The following NTRK3 variants were observed in gnomAD, a reference collection of about 807,000 sequenced individuals.
The protein encoded by NTRK3 is NT-3 growth factor receptor.
NTRK3 carries 24 observed loss-of-function variants against 91.7 expected under a neutral mutation model. The observed-to-expected ratio is 0.26, with a 90% confidence interval of 0.19 to 0.37. The LOEUF (loss-of-function observed/expected upper bound fraction) is 0.37. Among genes scored for constraint, NTRK3 ranks in the 10% least tolerant of loss-of-function variants. The pLI is 1.00. For missense variants in NTRK3, 880 were observed against 1,068.9 expected (o/e 0.82, Z 2.46); for synonymous variants, 483 against 404.0 (o/e 1.20, Z -2.34).
chr15:88,005,962 T>C (rs925933208), intron 14 of NTRK3, among the ~76,000 whole-genome samples: 1 of 152,212 alleles, frequency 6.6e-6, no homozygotes, highest in Non-Finnish European at 1.5e-5. Context: ...CAAATGCCGA[T>C]GTGCACTGGG....
chr15:88,181,964 C>T (rs2046506411), intron 5 of NTRK3, among the ~76,000 whole-genome samples: 1 of 152,136 alleles, frequency 6.6e-6, no homozygotes, highest in Non-Finnish European at 1.5e-5. Context: ...GAAACTCAAA[C>T]CCCCAATAAA....
chr15:88,082,383 T>C (rs771292304), intron 13 of NTRK3, among the ~76,000 whole-genome samples: 13 of 152,022 alleles, frequency 8.6e-5, no homozygotes, highest in Admixed American at 3.9e-4. Context: ...ACAGATCACA[T>C]ACATGCAATG....
intron 14 of NTRK3, among the ~76,000 whole-genome samples, chr15:87,953,928 C>T (rs2071397662): frequency 6.6e-6 from 1 of 151,400 alleles, no homozygotes; most frequent in South Asian, 2.1e-4. Context: ...TGCCCCTCCT[C>T]CGTGCGGGTT....
chr15:88,137,205 A>G (rs892984642), intron 7 of NTRK3, among the ~76,000 whole-genome samples, 199 bp downstream of exon 7: 3 of 152,246 alleles, frequency 2.0e-5, no homozygotes, highest in Non-Finnish European at 4.4e-5. Context: ...CAGTCTTCCT[A>G]TGGCTCGTGC....
intron 14 of NTRK3, among the ~76,000 whole-genome samples, chr15:87,963,476 C>T (rs577921353): frequency 8.5e-5 from 13 of 152,252 alleles, no homozygotes; most frequent in Middle Eastern, 3.4e-3. Flanking sequence ...AACGATGGTT[C>T]GACTTGGGAC....
rs115708501 is a variant in NTRK3 at position 87,969,176 on chromosome 15, C to T, written c.1586-28423G>A. Among the ~76,000 whole-genome samples the T allele has an allele frequency of 1.7e-3, 262 of 152,220 alleles. 1 individual carries two copies. Among genetic ancestry groups the T allele is most frequent in the African/African-American group, 5.8e-3 (241 of 41,536 alleles). On this transcript the variant is annotated intron_variant, in intron 14 of 18. Coordinates refer to ENST00000394480, the Ensembl canonical transcript of NTRK3. ...AATTCACCTTCCCAGATTGACATGG[C>T]CAATTGGTGCCCAGGCCCAAACGGA...
At chr15:88,194,780 C>G (rs1372999373) in intron 3 of NTRK3, among the ~76,000 whole-genome samples, 1 of 152,224 alleles carries the variant, frequency 6.6e-6, no homozygotes, top group Non-Finnish European at 1.5e-5. Context: ...CCATGACCAG[C>G]AGGATCCTTC....
chr15:88,012,572 C>T (rs1213724564), intron 14 of NTRK3, among the ~76,000 whole-genome samples: 1 of 152,244 alleles, frequency 6.6e-6, no homozygotes, highest in Non-Finnish European at 1.5e-5. Flanking sequence ...CATACCAAAA[C>T]AACCACAGCA....
At chr15:87,907,449 A>G (rs777051463) in intron 17 of NTRK3, among the ~76,000 whole-genome samples, 6 of 152,188 alleles carry the variant, frequency 3.9e-5, no homozygotes, top group Non-Finnish European at 7.3e-5. Flanking sequence ...TTACCTCCCT[A>G]ACCAAATTAT....
intron 17 of NTRK3, among the ~76,000 whole-genome samples, chr15:87,912,796 C>A (rs908788895): frequency 6.6e-6 from 1 of 151,660 alleles, no homozygotes; most frequent in African/African-American, 2.4e-5. Context: ...ACTTACAAAA[C>A]AGTTGGGTGG....
chr15:88,066,102 A>T (rs1365859826), intron 13 of NTRK3, among the ~76,000 whole-genome samples: 1 of 152,234 alleles, frequency 6.6e-6, no homozygotes, highest in Non-Finnish European at 1.5e-5. Context: ...CTATGGAGAG[A>T]TAACTGTAGC....
chr15:88,005,678 C>T (rs2076436600), intron 14 of NTRK3, among the ~76,000 whole-genome samples: 1 of 152,106 alleles, frequency 6.6e-6, no homozygotes, highest in Non-Finnish European at 1.5e-5. Flanking sequence ...TGCCTAAGGG[C>T]CAGAGCACAG....
At chr15:88,040,135 A>G (rs1330640975) in intron 13 of NTRK3, among the ~76,000 whole-genome samples, 1 of 152,260 alleles carries the variant, frequency 6.6e-6, no homozygotes, top group Non-Finnish European at 1.5e-5. Flanking sequence ...AGGTCTTTGA[A>G]TAAATTTTGC....
At chr15:88,185,924 T>C (rs1236981204) in intron 3 of NTRK3, among the ~76,000 whole-genome samples, 1 of 152,190 alleles carries the variant, frequency 6.6e-6, no homozygotes, top group East Asian at 1.9e-4. Flanking sequence ...CCAGAGACAC[T>C]GGCATCTGCT....
chr15:87,906,845 T>A (rs576173341), intron 17 of NTRK3, among the ~76,000 whole-genome samples: 1 of 152,260 alleles, frequency 6.6e-6, no homozygotes, highest in Non-Finnish European at 1.5e-5. Context: ...TAAGAACCTA[T>A]CACTCTTAAT....
chr15:88,242,262 G>A (rs545876024), intron 3 of NTRK3, among the ~76,000 whole-genome samples: 72 of 152,192 alleles, frequency 4.7e-4, no homozygotes, highest in African/African-American at 1.7e-3. Context: ...TTGCCTTTCC[G>A]CGTGGGGCCT....
intron 14 of NTRK3, among the ~76,000 whole-genome samples, chr15:88,025,484 A>G (rs569635614): frequency 6.6e-6 from 1 of 152,334 alleles, no homozygotes; most frequent in South Asian, 2.1e-4. Flanking sequence ...TACTTAAGTG[A>G]GGATAAGGAT....
intron 5 of NTRK3, among the ~76,000 whole-genome samples, chr15:88,153,419 T>C (rs142876830): frequency 2.6e-5 from 4 of 152,198 alleles, no homozygotes; most frequent in African/African-American, 9.6e-5. Flanking sequence ...ATTTTTTGTA[T>C]TTTTAGTAGA....
At chr15:88,109,518 G>A (rs1357249693) in intron 13 of NTRK3, among the ~76,000 whole-genome samples, 3 of 152,328 alleles carry the variant, frequency 2.0e-5, no homozygotes, top group East Asian at 3.9e-4. Context: ...ACCAAGCACA[G>A]TGCCAGAGAC....
Sources: gnomAD v4.1 joint callset for allele counts (sites outside exome capture counted in the v4.1 genomes callset) on GRCh38, gnomAD v4.1.1 for gene constraint, MANE v1.5 for transcripts, NCBI Gene and HGNC (gene_info 2026-07-23, HGNC 2026-07-21) for gene names.